The following WBP2NL variants were observed in gnomAD, a reference collection of about 807,000 sequenced individuals.
WBP2NL encodes WBP2 N-terminal like.
WBP2NL carries 27 observed loss-of-function variants against 23.3 expected under a neutral mutation model. The observed-to-expected ratio is 1.16, with a 90% CI of 0.85 to 1.60. WBP2NL has a LOEUF of 1.60. Among genes scored for constraint, WBP2NL ranks in the 40% most tolerant of loss-of-function variants. The pLI is 0.00. For missense variants in WBP2NL, 370 were observed against 389.5 expected (o/e 0.95, Z 0.42); for synonymous variants, 151 against 145.9 (o/e 1.03, Z -0.25).
chr22:42,002,320 C>T (rs901312909), intron 1 of WBP2NL, among the ~76,000 whole-genome samples: 6 of 152,174 alleles, frequency 3.9e-5, no homozygotes, highest in Non-Finnish European at 1.5e-5. Context: ...TGGTGGCTCA[C>T]GCCTGTAATC....
chr22:42,027,689 C>T lies in WBP2NL; in HGVS notation c.*508C>T, dbSNP rs974652400. The T allele has an allele frequency of 6.2e-6, 2 of 320,292 alleles. No homozygotes were observed. The highest frequency in any genetic ancestry group is 1.1e-5 in the Non-Finnish European group (2 of 178,552). 19.8% of individuals were successfully genotyped at this position (320,292 alleles called of 1,614,324 possible). A position where few individuals can be genotyped will look rare whatever the true frequency, so the allele number is the denominator to read the frequency against. ...AAACTATGTCTAGAGGTAGAGAAAG[C>T]CTTCTTTGAGGAGACCAAAACCAAC... is the stretch of plus-strand genomic sequence containing the variant. On this transcript the variant is annotated 3_prime_UTR_variant, in exon 6 of 6. Coordinates refer to ENST00000328823, the MANE Select transcript of WBP2NL (RefSeq NM_152613.3).
At chr22:42,052,168 T>C (rs1925859031) in intron 8 of WBP2NL, among the ~76,000 whole-genome samples, 1 of 152,214 alleles carries the variant, frequency 6.6e-6, no homozygotes, top group Admixed American at 6.5e-5. Flanking sequence ...AGGGTCTTTG[T>C]AGAGGTAAAG....
In WBP2NL at chr22:42,044,513, T is replaced by C. The variant is rs150948895; in HGVS notation, c.*273+13690T>C. Among the ~76,000 whole-genome samples the C allele has an allele frequency of 2.2e-4, 34 of 152,284 alleles. No homozygotes were observed. The Middle Eastern group carries it at 0.017, about 76-fold the overall frequency. On this transcript the variant is annotated intron_variant and NMD_transcript_variant, in intron 8 of 8. Transcript: ENST00000436265. Reference sequence around the variant, plus strand: ...TTCTTTGAAAAGATGAATAAAAATTTTGGTTTTGGCTAGGTACAGTGGCTC... The same window carrying C: ...TTCTTTGAAAAGATGAATAAAAATTCTGGTTTTGGCTAGGTACAGTGGCTC...
intron 1 of WBP2NL, among the ~76,000 whole-genome samples, chr22:42,015,710 ATCAC>A (rs1198553527): frequency 6.6e-6 from 1 of 152,048 alleles, no homozygotes; most frequent in Non-Finnish European, 1.5e-5. Flanking sequence ...GCCTTTTTGC[ATCAC>A]TTCTAATTGT....
chr22:42,020,138 T>C lies in WBP2NL; in HGVS notation c.406+42T>C, dbSNP rs769999878. The C allele has an allele frequency of 2.0e-6, 3 of 1,538,120 alleles. No homozygotes were observed. The African/African-American group carries it at 4.2e-5, about 21-fold the overall frequency. ...AAGATATTAAGCACTTTGGGGTTTT[T>C]TGTTTGTTTGTTTGGGTTTTTTGTT... On this transcript the variant is annotated intron_variant, in intron 4 of 5. Transcript: ENST00000328823.
chr22:42,028,462 A>C lies in WBP2NL; in HGVS notation c.*1281A>C, dbSNP rs992671600. ...TAAATGTGATAGAGGAAATAAAAGG[A>C]GTTTGTAGTAAAATTTTAAGTGTTT... On this transcript the variant is annotated 3_prime_UTR_variant, in exon 6 of 6. Coordinates refer to ENST00000328823, the MANE Select transcript of WBP2NL (RefSeq NM_152613.3). 6.2e-6 allele frequency: 1 copy of C among 162,484 alleles called. No individual in the cohort carries two copies. Among genetic ancestry groups the C allele is most frequent in the Non-Finnish European group, 1.3e-5 (1 of 75,252 alleles). 10.1% of individuals were successfully genotyped at this position (162,484 alleles called of 1,614,324 possible).
At chr22:42,029,561 G>C (rs1415667342), downstream of WBP2NL, among the ~76,000 whole-genome samples, 1 of 152,032 alleles carries the variant, frequency 6.6e-6, no homozygotes, top group Non-Finnish European at 1.5e-5. Context: ...TTATAGAGAT[G>C]GGGTCTGGCC....
At chr22:42,016,912 C>T (rs906069020) in intron 1 of WBP2NL, among the ~76,000 whole-genome samples, 22 of 152,224 alleles carry the variant, frequency 1.4e-4, no homozygotes, top group African/African-American at 5.3e-4. Flanking sequence ...CAAATGATGT[C>T]TTTAAGCTGT....
At chr22:42,022,848 C>G (rs1390976189) in intron 5 of WBP2NL, among the ~76,000 whole-genome samples, 1 of 152,180 alleles carries the variant, frequency 6.6e-6, no homozygotes, top group East Asian at 1.9e-4. Flanking sequence ...CAAGGGTCTC[C>G]TAATGCTGCC....
chr22:42,041,202 G>T (rs1208628903), intron 8 of WBP2NL, among the ~76,000 whole-genome samples: 4 of 151,968 alleles, frequency 2.6e-5, no homozygotes, highest in Admixed American at 2.6e-4. Flanking sequence ...GTTTTGGCTG[G>T]GCACAGTGGC....
chr22:42,038,503 C>A (rs1011534534), intron 8 of WBP2NL, among the ~76,000 whole-genome samples: 1 of 152,140 alleles, frequency 6.6e-6, no homozygotes, highest in Non-Finnish European at 1.5e-5. Flanking sequence ...GGAGTGCATT[C>A]TCTTTTTTAA....
intron 1 of WBP2NL, among the ~76,000 whole-genome samples, chr22:42,007,651 A>G (rs938215795): frequency 6.6e-6 from 1 of 152,208 alleles, no homozygotes; most frequent in Non-Finnish European, 1.5e-5. Context: ...TGTAATGACA[A>G]TATTTGTCTT....
At chr22:42,037,095 T>G (rs559319519), downstream of WBP2NL, among the ~76,000 whole-genome samples, 1 of 151,762 alleles carries the variant, frequency 6.6e-6, no homozygotes, top group South Asian at 2.1e-4. Context: ...TTGAGTTGAT[T>G]GTTGTGTAGT....
At chr22:41,999,497 T>G (rs1921358367) in intron 1 of WBP2NL, among the ~76,000 whole-genome samples, 1 of 152,136 alleles carries the variant, frequency 6.6e-6, no homozygotes, top group Admixed American at 6.5e-5. Flanking sequence ...ATTGAAAAAA[T>G]TGAGGCCAGG....
intron 8 of WBP2NL, among the ~76,000 whole-genome samples, chr22:42,051,982 C>G (rs1008733027): frequency 1.3e-5 from 2 of 152,146 alleles, no homozygotes; most frequent in South Asian, 4.1e-4. Flanking sequence ...CTCAAGATTG[C>G]ACAGCTGTAA....
chr22:42,022,906 G>C (rs133342), intron 5 of WBP2NL, among the ~76,000 whole-genome samples: 111,699 of 152,078 alleles, frequency 0.73, 41,225 homozygotes, highest in East Asian at 0.9. Context: ...CTTGGAACTT[G>C]ATATGCATGT....
At chr22:42,042,428 C>T (rs1427207881) in intron 8 of WBP2NL, among the ~76,000 whole-genome samples, 1 of 132,992 alleles carries the variant, frequency 7.5e-6, no homozygotes, top group Non-Finnish European at 1.7e-5. Flanking sequence ...CTTTCTTCTA[C>T]TTGAGTCATC....
chr22:42,045,908 G>A (rs1052717200), intron 8 of WBP2NL, among the ~76,000 whole-genome samples: 7 of 152,160 alleles, frequency 4.6e-5, no homozygotes, highest in African/African-American at 1.7e-4. Flanking sequence ...CATCTTAATT[G>A]GTGAAAGTTG....
At chr22:42,053,384 G>T (rs769853331) in intron 8 of WBP2NL, among the ~76,000 whole-genome samples, 46 of 152,062 alleles carry the variant, frequency 3.0e-4, no homozygotes, top group South Asian at 8.3e-4. Flanking sequence ...ACATTTTGAG[G>T]AACTGCCAGG....
Sources: allele counts gnomAD v4.1 joint callset (sites outside exome capture counted in the v4.1 genomes callset), GRCh38; gene constraint gnomAD v4.1.1; transcripts MANE v1.5; gene names NCBI Gene and HGNC (gene_info 2026-07-23, HGNC 2026-07-21).